Variants in JADE3 observed in about 807,000 individuals in gnomAD.
JADE3 encodes the protein protein Jade-3.
Under a neutral mutation model 50.1 loss-of-function variants are expected in JADE3, and 2 were observed. The ratio of observed to expected loss-of-function variants is 0.04; its 90% confidence interval spans 0.02 to 0.13. The LOEUF (loss-of-function observed/expected upper bound fraction) is 0.13, where lower values mean the gene tolerates loss of function less well. JADE3 is among the 10% of genes least tolerant of loss of function. The pLI, the probability that JADE3 is intolerant of heterozygous loss-of-function variation, is 1.00. For missense variants in JADE3, 475 were observed against 634.4 expected, an observed-to-expected ratio of 0.75 and a Z score of 2.70; for synonymous variants, 218 against 232.9, an observed-to-expected ratio of 0.94 and a Z score of 0.58.
At chrX:46,986,655 A>G (rs1362690324) in intron 3 of JADE3, among the ~76,000 whole-genome samples, 1 of 111,893 alleles carries the variant, frequency 8.9e-6, no homozygotes, top group East Asian at 2.8e-4. Context: ...CATATGGGTC[A>G]TGGTCTGTGA....
intron 4 of JADE3, among the ~76,000 whole-genome samples, chrX:47,007,980 G>A (rs1928472872): frequency 9.0e-6 from 1 of 110,716 alleles, no homozygotes; most frequent in African/African-American, 3.3e-5. Flanking sequence ...TAGTAACATT[G>A]AATTTGTAAT....
chrX:46,934,588 G>A (rs374380393), intron 1 of JADE3, among the ~76,000 whole-genome samples: 140 of 110,321 alleles, frequency 1.3e-3, no homozygotes, highest in African/African-American at 4.2e-3. Context: ...GTGAGTCACC[G>A]CGCCCGGCCT....
rs782508520 is a variant in JADE3, at chrX:47,053,114, C to G, written c.973-1044C>G. Among the ~76,000 whole-genome samples, 4 of 109,441 alleles carry G rather than the reference C, an allele frequency of 3.7e-5. No individual in the cohort carries two copies. In the South Asian group the frequency reaches 1.6e-3, roughly 43 times the overall value. Reference sequence around the variant, plus strand: ...ATGGCTACTTGGCCACCAAGTTGGACAGCTCAGTTCTATAACAACAATTTC... The same window carrying G: ...ATGGCTACTTGGCCACCAAGTTGGAGAGCTCAGTTCTATAACAACAATTTC... On this transcript the variant is annotated intron_variant, in intron 8 of 10. Coordinates refer to ENST00000614628, the MANE Select transcript of JADE3 (RefSeq NM_014735.5).
intron 1 of JADE3, among the ~76,000 whole-genome samples, chrX:46,976,218 A>G (rs1027622180): frequency 2.7e-5 from 3 of 111,609 alleles, no homozygotes; most frequent in Non-Finnish European, 5.6e-5. Context: ...GGAAAGGGCT[A>G]TGTTTGAGCT....
chrX:46,936,462 T>C (rs1389259394), intron 1 of JADE3, among the ~76,000 whole-genome samples: 3 of 111,762 alleles, frequency 2.7e-5, no homozygotes, highest in African/African-American at 9.8e-5. Context: ...TTTGTATGTA[T>C]TGTCTGTGTT....
At position 47,011,468 on chromosome X, in the gene JADE3, A is replaced by T. The variant is rs782575029; in HGVS notation, c.284+13191A>T. 5.4e-3 allele frequency among the ~76,000 whole-genome samples: 598 copies of T among 111,647 alleles called. 2 individuals are homozygous for T. Among genetic ancestry groups the T allele is most frequent in the South Asian group, 0.024 (65 of 2,677 alleles). Reference sequence around the variant, plus strand: ...AAACATCCTCATACAGTTTTTTTTTAAATTTTAATCAGGTCCTCTAGAAGA... The same window carrying T: ...AAACATCCTCATACAGTTTTTTTTTTAATTTTAATCAGGTCCTCTAGAAGA... On this transcript the variant is annotated intron_variant, in intron 4 of 10. Transcript: ENST00000614628.
intron 1 of JADE3, among the ~76,000 whole-genome samples, chrX:46,959,457 G>A (rs1363940588): frequency 1.8e-5 from 2 of 112,094 alleles, no homozygotes; most frequent in African/African-American, 6.5e-5. Flanking sequence ...GTTAGGCTCT[G>A]TGGTTATCAC....
At chrX:46,939,567 C>T (rs1556341904) in intron 1 of JADE3, among the ~76,000 whole-genome samples, 2 of 111,797 alleles carry the variant, frequency 1.8e-5, no homozygotes, top group Non-Finnish European at 3.8e-5. Flanking sequence ...AGTTTTGTAG[C>T]TTTACATACC....
chrX:47,055,992 CT>C (rs1929625167), intron 9 of JADE3, 89 bp from the exon 10 acceptor site: 1 of 534,770 alleles, frequency 1.9e-6, no homozygotes, highest in East Asian at 3.5e-5. Context: ...CCCCACCTGA[CT>C]TTAGGTCTTT....
intron 1 of JADE3, among the ~76,000 whole-genome samples, chrX:46,916,981 C>G (rs1195832438): frequency 3.6e-5 from 4 of 111,460 alleles, no homozygotes; most frequent in Non-Finnish European, 5.6e-5. Context: ...GTTAGAGAAG[C>G]CTTTGGTGTC....
intron 3 of JADE3, among the ~76,000 whole-genome samples, chrX:46,986,969 C>T (rs966374988): frequency 1.8e-5 from 2 of 112,386 alleles, no homozygotes; most frequent in Non-Finnish European, 3.8e-5. Context: ...GCAGCACACA[C>T]TTATATCTCA....
chrX:47,037,048 A>G (rs1414125303), intron 7 of JADE3, among the ~76,000 whole-genome samples: 3 of 98,688 alleles, frequency 3.0e-5, no homozygotes, highest in South Asian at 5.2e-4. Context: ...AGCATGGCAC[A>G]TGTATACATC....
intron 1 of JADE3, among the ~76,000 whole-genome samples, chrX:46,973,963 C>G (rs947494650): frequency 1.8e-5 from 2 of 110,594 alleles, no homozygotes; most frequent in East Asian, 5.6e-4. Flanking sequence ...GCCTGCAATC[C>G]CAGCTACTAG....
intron 8 of JADE3, among the ~76,000 whole-genome samples, chrX:47,053,695 A>G (rs1929570373): frequency 8.9e-6 from 1 of 112,898 alleles, no homozygotes; most frequent in African/African-American, 3.2e-5. Context: ...TTGTTTAGAA[A>G]CATTTTCTGA....
intron 1 of JADE3, among the ~76,000 whole-genome samples, chrX:46,970,156 T>C (rs1020703568): frequency 8.9e-6 from 1 of 112,621 alleles, no homozygotes; most frequent in African/African-American, 3.2e-5. Flanking sequence ...GATTCCCATG[T>C]GTAATGGGGG....
intron 4 of JADE3, among the ~76,000 whole-genome samples, chrX:47,023,949 A>AGATC (rs1556365005): frequency 8.9e-6 from 1 of 112,562 alleles, no homozygotes. Context: ...TAATAGCCTG[A>AGATC]GATCACCATG....
At chrX:46,949,108 AT>A (rs1169547508) in intron 1 of JADE3, among the ~76,000 whole-genome samples, 11 of 104,585 alleles carry the variant, frequency 1.1e-4, no homozygotes, top group East Asian at 3.0e-4. Flanking sequence ...TAATTTTTGT[AT>A]TTTTTTTTTG....
chrX:46,938,054 T>C (rs2147110617), intron 1 of JADE3, among the ~76,000 whole-genome samples: 1 of 112,015 alleles, frequency 8.9e-6, no homozygotes, highest in Admixed American at 9.5e-5. Context: ...TCCTTTTGCT[T>C]TTCACTTACT....
chrX:47,053,951 T>C (rs979739967), intron 8 of JADE3, among the ~76,000 whole-genome samples: 1 of 111,522 alleles, frequency 9.0e-6, no homozygotes. Flanking sequence ...AAGGAGTGTT[T>C]GAATTATTTT....
Sources: allele counts gnomAD v4.1 joint callset (sites outside exome capture counted in the v4.1 genomes callset), GRCh38; gene constraint gnomAD v4.1.1; transcripts MANE v1.5; gene names NCBI Gene and HGNC (gene_info 2026-07-23, HGNC 2026-07-21).